Variants in FAM135B observed in about 807,000 individuals in gnomAD.
FAM135B encodes the protein protein FAM135B.
FAM135B carries 43 observed loss-of-function variants against 127.7 expected under a neutral mutation model. That is an observed-to-expected ratio of 0.34 (90% CI 0.26 to 0.43). The LOEUF (loss-of-function observed/expected upper bound fraction) is 0.43. FAM135B is among the 20% of genes least tolerant of loss of function. The pLI is 1.00. For missense variants in FAM135B, 1,558 were observed against 1,725.6 expected (o/e 0.90, Z 1.72); for synonymous variants, 670 against 665.1 (o/e 1.01, Z -0.11).
intron 1 of FAM135B, among the ~76,000 whole-genome samples, chr8:138,369,735 G>A (rs918906540): frequency 6.6e-6 from 1 of 152,136 alleles, no homozygotes; most frequent in Non-Finnish European, 1.5e-5. Flanking sequence ...AAAGCCGGAT[G>A]GAGGGGCAAG....
chr8:138,232,074 G>A (rs1305972965), intron 7 of FAM135B, among the ~76,000 whole-genome samples: 1 of 152,238 alleles, frequency 6.6e-6, no homozygotes. Flanking sequence ...GCTCACTCAA[G>A]CTCTCACAGT....
At chr8:138,448,555 C>T (rs894291721) in intron 1 of FAM135B, among the ~76,000 whole-genome samples, 2 of 152,030 alleles carry the variant, frequency 1.3e-5, no homozygotes, top group African/African-American at 2.4e-5. Context: ...GAAATATCGG[C>T]TCTTCCTGGG....
chr8:138,447,121 G>C (rs1836215879), intron 1 of FAM135B, among the ~76,000 whole-genome samples: 1 of 151,968 alleles, frequency 6.6e-6, no homozygotes, highest in African/African-American at 2.4e-5. Context: ...TCTCACACCA[G>C]TTAGAATGGC....
chr8:138,197,075 ATGTGTG>A (rs6150843), intron 8 of FAM135B, among the ~76,000 whole-genome samples: 4,059 of 132,448 alleles, frequency 0.031, 101 homozygotes, highest in Middle Eastern at 0.063. Flanking sequence ...ATGTATGCAT[ATGTGTG>A]TGTGTGTGTG....
At chr8:138,344,763 G>A (rs956482733) in intron 2 of FAM135B, among the ~76,000 whole-genome samples, 4 of 151,970 alleles carry the variant, frequency 2.6e-5, no homozygotes, top group African/African-American at 9.7e-5. Flanking sequence ...TTTTAGTAGA[G>A]ACGGGGTTTC....
chr8:138,375,593 G>A (rs1463926258), intron 1 of FAM135B, among the ~76,000 whole-genome samples: 2 of 152,114 alleles, frequency 1.3e-5, no homozygotes, highest in South Asian at 2.1e-4. Flanking sequence ...TCCATAACAC[G>A]TAAAGTCGAA....
At chr8:138,375,251 GATT>G (rs1831392781) in intron 1 of FAM135B, among the ~76,000 whole-genome samples, 1 of 122,132 alleles carries the variant, frequency 8.2e-6, no homozygotes, top group Non-Finnish European at 1.7e-5. Context: ...AATATGAGCT[GATT>G]GTTTTGTCAA....
intron 11 of FAM135B, among the ~76,000 whole-genome samples, chr8:138,171,872 GTATGTTTTCCTGA>G (rs1197672908): frequency 1.3e-5 from 2 of 152,158 alleles, no homozygotes; most frequent in Non-Finnish European, 2.9e-5. Context: ...ATGTGTGCAT[GTATGTTTTCCTGA>G]GTGTATGCAA....
rs1488617774 is a variant in FAM135B, at chr8:138,243,754, A to T, written c.543-686T>A. Among the ~76,000 whole-genome samples, 2 of 152,248 alleles carry T rather than the reference A, an allele frequency of 1.3e-5. No individual in the cohort carries two copies. Among genetic ancestry groups the T allele is most frequent in the East Asian group, 3.8e-4 (2 of 5,202 alleles). ...ATTCAAATTTATCATATTTGAGTTT[A>T]TGATCATCTTCCTCTATCTTTACCT... On this transcript the variant is annotated intron_variant, in intron 6 of 19. Coordinates refer to ENST00000395297, the MANE Select transcript of FAM135B (RefSeq NM_015912.4). The surrounding 1 kb of genome is among the most constrained non-coding windows in gnomAD (Gnocchi z 7.5).
intron 3 of FAM135B, among the ~76,000 whole-genome samples, chr8:138,294,698 C>T (rs942351465): frequency 6.6e-6 from 1 of 152,152 alleles, no homozygotes; most frequent in African/African-American, 2.4e-5. Flanking sequence ...AAAATTATCT[C>T]TGGGATCTTA....
In FAM135B at chr8:138,243,558, T is replaced by C. The variant is rs1364981905; in HGVS notation, c.543-490A>G. ...GAGTCTAATACGATGTCAAAGACTG[T>C]CATAAGCCAGAAAGCACTCGCTGTG... On this transcript the variant is annotated intron_variant, in intron 6 of 19. Transcript: ENST00000395297. The surrounding 1 kb of genome is among the most constrained non-coding windows in gnomAD (Gnocchi z 7.5). 6.6e-6 allele frequency among the ~76,000 whole-genome samples: 1 copy of C among 152,220 alleles called. No homozygotes were observed. Among genetic ancestry groups the C allele is most frequent in the African/African-American group, 2.4e-5 (1 of 41,454 alleles).
chr8:138,318,070 A>C (rs1827212937), intron 2 of FAM135B, among the ~76,000 whole-genome samples: 1 of 152,268 alleles, frequency 6.6e-6, no homozygotes. Flanking sequence ...CAACAGCAAC[A>C]TCAGCAATAG....
At position 138,367,971 on chromosome 8, in the gene FAM135B, G is replaced by T; in HGVS notation, c.13C>A (p.Gln5Lys). Residue 5 changes from glutamine to lysine, a missense_variant, in exon 2 of 20, where the codon CAA (glutamine) becomes AAA (lysine). Coordinates refer to ENST00000395297, the MANE Select transcript of FAM135B (RefSeq NM_015912.4). ...TCTACCGAAAACTCAACCGTTCCTTGTATTTCAGACATGATCTTTTTGGCT... is the reference window on the plus strand; with the variant it reads ...TCTACCGAAAACTCAACCGTTCCTTTTATTTCAGACATGATCTTTTTGGCT... MSEI[Q>K]GTVEFSVELH... 6.2e-7 allele frequency: 1 copy of T among 1,613,614 alleles called. No homozygotes were observed. Among genetic ancestry groups the T allele is most frequent in the Non-Finnish European group, 8.5e-7 (1 of 1,179,814 alleles).
intron 7 of FAM135B, among the ~76,000 whole-genome samples, chr8:138,222,249 G>C (rs1819077076): frequency 6.6e-6 from 1 of 152,212 alleles, no homozygotes. Context: ...GGAGCAGGTA[G>C]TGGCAGATAA....
intron 2 of FAM135B, among the ~76,000 whole-genome samples, chr8:138,345,039 A>G (rs1221494817): frequency 1.3e-5 from 2 of 152,224 alleles, no homozygotes; most frequent in Non-Finnish European, 2.9e-5. Context: ...CCATGAAAGC[A>G]GCATCCAGCA....
At chr8:138,364,467 G>A (rs1052941460) in intron 2 of FAM135B, among the ~76,000 whole-genome samples, 1 of 152,186 alleles carries the variant, frequency 6.6e-6, no homozygotes, top group Non-Finnish European at 1.5e-5. Flanking sequence ...CCTGTCCATA[G>A]AAGTAACTGC....
At chr8:138,314,766 G>C (rs1826950402) in intron 2 of FAM135B, among the ~76,000 whole-genome samples, 1 of 143,096 alleles carries the variant, frequency 7.0e-6, no homozygotes, top group Admixed American at 7.0e-5. Context: ...TGTAGTCTCA[G>C]TTACTTGAAG....
chr8:138,386,371 C>T (rs954569774), intron 1 of FAM135B, among the ~76,000 whole-genome samples: 3 of 152,034 alleles, frequency 2.0e-5, no homozygotes, highest in South Asian at 2.1e-4. Flanking sequence ...CTCAAGCCAC[C>T]AGGTAATAAA....
intron 7 of FAM135B, among the ~76,000 whole-genome samples, chr8:138,210,327 A>G (rs905562656): frequency 1.3e-5 from 2 of 152,186 alleles, no homozygotes; most frequent in Non-Finnish European, 2.9e-5. Context: ...TGTGAGTTCT[A>G]AGATCTCTTG....
Sources: allele counts gnomAD v4.1 joint callset (sites outside exome capture counted in the v4.1 genomes callset), GRCh38; gene constraint gnomAD v4.1.1; non-coding constraint Gnocchi (gnomAD v3.1); transcripts MANE v1.5; gene names NCBI Gene and HGNC (gene_info 2026-07-23, HGNC 2026-07-21).